The following VPS53 variants were observed in gnomAD, a reference collection of about 807,000 sequenced individuals.
VPS53 encodes the protein vacuolar protein sorting-associated protein 53 homolog.
VPS53 carries 70 observed loss-of-function variants against 107.0 expected under a neutral mutation model. The ratio of observed to expected loss-of-function variants is 0.65; its 90% CI spans 0.54 to 0.80. VPS53 has a LOEUF of 0.80. Among genes scored for constraint, VPS53 ranks in the 30% least tolerant of loss-of-function variants. VPS53 has a pLI of 0.00. For synonymous variants in VPS53, 409 were observed against 393.3 expected, an observed-to-expected ratio of 1.04 and a Z score of -0.47; for missense variants, 917 against 1,049.4, an observed-to-expected ratio of 0.87 and a Z score of 1.74.
intron 7 of VPS53, among the ~76,000 whole-genome samples, chr17:639,447 C>T (rs1157436502): frequency 6.6e-6 from 1 of 152,180 alleles, no homozygotes; most frequent in Non-Finnish European, 1.5e-5. Flanking sequence ...CAGCTTTGTT[C>T]CATTGCTGGC....
At chr17:560,286 G>A (rs937667970) in intron 15 of VPS53, 140 bp downstream of exon 15, 5 of 1,140,786 alleles carry the variant, frequency 4.4e-6, no homozygotes, top group Non-Finnish European at 6.1e-6. Flanking sequence ...TGGACACTGA[G>A]CTTTCCTCTG....
intron 9 of VPS53, 53 bp downstream of exon 9, chr17:628,032 CTCA>C: frequency 6.4e-7 from 1 of 1,551,248 alleles, no homozygotes; most frequent in South Asian, 1.2e-5. Context: ...CTTGACAGCA[CTCA>C]TGTTTCAATA....
chr17:584,501 G>A (rs937087207), intron 13 of VPS53, among the ~76,000 whole-genome samples: 1 of 152,184 alleles, frequency 6.6e-6, no homozygotes, highest in Non-Finnish European at 1.5e-5. Context: ...ACAAGTTTGT[G>A]AAAAGCATAT....
In VPS53 at chr17:520,812, T is replaced by TTCACCCTCACCTACATGAGCTGCA. The variant is rs1908686590; in HGVS notation, c.2223+788_2223+789insTGCAGCTCATGTAGGTGAGGGTGA. On this transcript the variant is annotated intron_variant, in intron 20 of 21. Transcript: ENST00000437048. This position sits in a 1 kb window ranked among gnomAD's most constrained non-coding sequence, Gnocchi z 4.4. ...CTTCACCCTCACCTACATGAGCTGC[T>TTCACCCTCACCTACATGAGCTGCA]TCACCCTCACCTACATGAGCTGCTT... Among the ~76,000 whole-genome samples the TTCACCCTCACCTACATGAGCTGCA allele has an allele frequency of 6.6e-6, 1 of 152,042 alleles. No individual in the cohort carries two copies. The highest frequency in any genetic ancestry group is 2.4e-5 in the African/African-American group (1 of 41,396).
At chr17:641,377 C>T (rs331008) in intron 7 of VPS53, among the ~76,000 whole-genome samples, 52,881 of 152,120 alleles carry the variant, frequency 0.35, 11,015 homozygotes, top group Non-Finnish European at 0.47. Context: ...CCTTTAAACT[C>T]CTTCCTCTTC....
chr17:701,566 C>T (rs55656141), intron 2 of VPS53, among the ~76,000 whole-genome samples: 10 of 151,392 alleles, frequency 6.6e-5, no homozygotes, highest in Non-Finnish European at 1.2e-4. Context: ...TTAGTAGAGA[C>T]GGGGTTTCAC....
In VPS53 at chr17:518,640, A is replaced by T. The variant is rs1354615333; in HGVS notation, c.*488T>A. 5 of 152,212 alleles carry T rather than the reference A, an allele frequency of 3.3e-5. No individual in the cohort carries two copies. In the East Asian group the frequency reaches 9.7e-4, roughly 29 times the overall value. The allele number at this position is 152,212 out of a possible 1,614,324, so 9.4% of individuals were successfully genotyped here. A position where few individuals can be genotyped will look rare whatever the true frequency, so the allele number is the denominator to read the frequency against. ...AGGAAGGGGCTGGGCTCGGTGGCTC[A>T]CGCCTGTAATCCGATACTCAGGAGG... is the stretch of plus-strand genomic sequence containing the variant. On this transcript the variant is annotated 3_prime_UTR_variant, in exon 22 of 22. Transcript: ENST00000437048.
At chr17:629,343 A>AT (rs1319766156) in intron 8 of VPS53, among the ~76,000 whole-genome samples, 2 of 152,176 alleles carry the variant, frequency 1.3e-5, no homozygotes, top group African/African-American at 4.8e-5. Flanking sequence ...ACGGGTTCAG[A>AT]TTTTTTCATT....
At chr17:656,841 C>G in intron 5 of VPS53, 1 of 1,588,942 alleles carries the variant, frequency 6.3e-7, no homozygotes, top group Non-Finnish European at 8.6e-7. Context: ...CTCTCTTCAG[C>G]AATGGTGAGG....
chr17:709,289 T>C (rs887953582), intron 2 of VPS53, among the ~76,000 whole-genome samples: 3 of 152,166 alleles, frequency 2.0e-5, no homozygotes, highest in African/African-American at 4.8e-5. Flanking sequence ...AGTGTATTTG[T>C]TGGTTTATTT....
chr17:684,955 T>A (rs1255746935), intron 4 of VPS53: 2 of 151,638 alleles, frequency 1.3e-5, no homozygotes, highest in African/African-American at 4.9e-5. Context: ...GCCACTGCAC[T>A]CCAGCCTGGG....
chr17:605,339 G>A (rs75962263), intron 11 of VPS53, among the ~76,000 whole-genome samples: 15,065 of 150,368 alleles, frequency 0.1, 834 homozygotes, highest in East Asian at 0.21. Flanking sequence ...GGTCTCTGAG[G>A]AGATGACGGC....
chr17:548,490 ACAAC>A (rs1302967567), intron 17 of VPS53, among the ~76,000 whole-genome samples: 5 of 133,856 alleles, frequency 3.7e-5, no homozygotes, highest in African/African-American at 8.2e-5. Context: ...GAATCATCCA[ACAAC>A]TACACTCCAC....
chr17:561,021 C>T (rs1166828487), intron 14 of VPS53, among the ~76,000 whole-genome samples: 2 of 151,846 alleles, frequency 1.3e-5, no homozygotes, highest in Non-Finnish European at 2.9e-5. Flanking sequence ...TGCACTGGAA[C>T]TCATGTGTGT....
At position 513,675 on chromosome 17, in the gene VPS53, C is replaced by A; in HGVS notation, c.*5453G>T. On this transcript the variant is annotated 3_prime_UTR_variant, in exon 22 of 22. Coordinates refer to ENST00000437048, the MANE Select transcript of VPS53 (RefSeq NM_001128159.3). The stretch of plus-strand genomic sequence containing the variant: ...CGAGTGCTCTTCCTAGCGAAGGAAT[C>A]CCATTTCCAGCAGGTTATTCCGAGT... The A allele has an allele frequency of 6.8e-6, 1 of 146,992 alleles. No homozygotes were observed. Among genetic ancestry groups the A allele is most frequent in the South Asian group, 2.3e-4 (1 of 4,398 alleles). The allele number at this position is 146,992 out of a possible 1,614,324, so 9.1% of individuals were successfully genotyped here.
intron 2 of VPS53, among the ~76,000 whole-genome samples, chr17:705,309 C>G (rs1973359465): frequency 6.6e-6 from 1 of 152,050 alleles, no homozygotes; most frequent in African/African-American, 2.4e-5. Flanking sequence ...TAACTTAGGG[C>G]CAGGCACAGT....
At chr17:667,716 T>C (rs760607905) in intron 4 of VPS53, among the ~76,000 whole-genome samples, 8 of 151,038 alleles carry the variant, frequency 5.3e-5, no homozygotes, top group Non-Finnish European at 1.0e-4. Flanking sequence ...TGTTCTTGAA[T>C]TGTTTAGTGC....
rs1434264695 is a variant in VPS53 at position 513,789 on chromosome 17, G to A, written c.*5339C>T. 1 of 137,070 alleles carries A rather than the reference G, an allele frequency of 7.3e-6. No homozygotes were observed. Among genetic ancestry groups the A allele is most frequent in the Non-Finnish European group, 1.6e-5 (1 of 63,030 alleles). 8.5% of individuals were successfully genotyped at this position (137,070 alleles called of 1,614,324 possible). Reference sequence around the variant, plus strand: ...AATCCCATTTCCAGCAGGTTATTCCGAGTGCTCTTCCTAGCGAAGGAATCC... The same window carrying A: ...AATCCCATTTCCAGCAGGTTATTCCAAGTGCTCTTCCTAGCGAAGGAATCC... On this transcript the variant is annotated 3_prime_UTR_variant, in exon 22 of 22. Transcript: ENST00000437048.
Position 519,788 on chromosome 17 carries a change from G to T in VPS53, c.2328+38C>A. On this transcript the variant is annotated intron_variant, in intron 21 of 21. Transcript: ENST00000437048. The surrounding 1 kb of genome is among the most constrained non-coding windows in gnomAD (Gnocchi z 5.0). ...CGGTTAAGAACCGCTGAGTGTGAGG[G>T]GGATGAGCAGGTGTGGACCAAATGT... is the stretch of plus-strand genomic sequence containing the variant. 1.4e-6 allele frequency: 2 copies of T among 1,405,964 alleles called. No homozygotes were observed. Among genetic ancestry groups the T allele is most frequent in the South Asian group, 1.2e-5 (1 of 80,934 alleles). 87.1% of individuals were successfully genotyped at this position (1,405,964 alleles called of 1,614,324 possible).
Sources: allele counts gnomAD v4.1 joint callset (sites outside exome capture counted in the v4.1 genomes callset), GRCh38; gene constraint gnomAD v4.1.1; non-coding constraint Gnocchi (gnomAD v3.1); transcripts MANE v1.5; gene names NCBI Gene and HGNC (gene_info 2026-07-23, HGNC 2026-07-21).